The following TTC9 variants were observed in gnomAD, a reference collection of about 807,000 sequenced individuals.
TTC9 encodes the protein tetratricopeptide repeat domain 9, also known as tetratricopeptide repeat protein 9A.
In TTC9, 13 loss-of-function variants were observed where a neutral mutation model predicts 22.9. That is an observed-to-expected ratio of 0.57 (90% CI 0.37 to 0.90). The LOEUF (loss-of-function observed/expected upper bound fraction) is 0.90, where lower values mean the gene tolerates loss of function less well. TTC9 is among the 40% of genes least tolerant of loss of function. The pLI, the probability that TTC9 is intolerant of heterozygous loss-of-function variation, is 0.01. For missense variants in TTC9, 280 were observed against 291.8 expected (o/e 0.96, Z 0.29); for synonymous variants, 148 against 133.2 (o/e 1.11, Z -0.77).
intron 1 of TTC9, among the ~76,000 whole-genome samples, chr14:70,659,237 ATG>A (rs1270666023): frequency 2.0e-4 from 31 of 152,254 alleles, no homozygotes; most frequent in African/African-American, 6.5e-4. Flanking sequence ...CATAGCCAAT[ATG>A]TTGTACTATC....
Position 70,671,502 on chromosome 14 carries a change from A to G in TTC9, c.*347A>G. On this transcript the variant is annotated 3_prime_UTR_variant, in exon 3 of 3. Coordinates refer to ENST00000256367, the MANE Select transcript of TTC9 (RefSeq NM_015351.2). Reference sequence around the variant, plus strand: ...GCTTCTGACAGAGGCGGAGCCTGGCAAGTGTACCATCCCACAGGCAGCAGG... The same window carrying G: ...GCTTCTGACAGAGGCGGAGCCTGGCGAGTGTACCATCCCACAGGCAGCAGG... 1 of 252,568 alleles carries G rather than the reference A, an allele frequency of 4.0e-6. No homozygotes were observed. Among genetic ancestry groups the G allele is most frequent in the South Asian group, 5.2e-5 (1 of 19,328 alleles). The allele number at this position is 252,568 out of a possible 1,614,324, so 15.6% of individuals were successfully genotyped here. A position where few individuals can be genotyped will look rare whatever the true frequency, so the allele number is the denominator to read the frequency against.
At chr14:70,656,210 T>TACACACACACACACACAC (rs34334641) in intron 1 of TTC9, among the ~76,000 whole-genome samples, 7 of 147,910 alleles carry the variant, frequency 4.7e-5, no homozygotes, top group Non-Finnish European at 8.9e-5. Flanking sequence ...TTCACCCTGA[T>TACACACACACACACACAC]ACACACACAC....
intron 2 of TTC9, among the ~76,000 whole-genome samples, chr14:70,669,179 G>C (rs903876053): frequency 5.3e-5 from 8 of 152,026 alleles, no homozygotes; most frequent in Non-Finnish European, 7.4e-5. Flanking sequence ...GAGTAAAGAG[G>C]GGGGAGCTAT....
At chr14:70,661,474 A>G (rs1026040732) in intron 1 of TTC9, among the ~76,000 whole-genome samples, 3 of 152,188 alleles carry the variant, frequency 2.0e-5, no homozygotes, top group African/African-American at 4.8e-5. Context: ...CATTTAGCCC[A>G]TGTTTCCCTT....
At chr14:70,655,117 G>A (rs1236070640) in intron 1 of TTC9, among the ~76,000 whole-genome samples, 2 of 152,206 alleles carry the variant, frequency 1.3e-5, no homozygotes, top group African/African-American at 4.8e-5. Context: ...AAGCAGCCCA[G>A]GCTCAGTGGC....
At position 70,667,722 on chromosome 14, in the gene TTC9, G is replaced by T. The variant is rs891930334; in HGVS notation, c.565G>T (p.Glu189Ter). The change falls in exon 2 of 3, where the codon GAA (glutamate) becomes TAA (stop). Residue 189 changes from glutamate (E) to a stop codon, truncating the protein, a stop_gained. Coordinates refer to ENST00000256367, the MANE Select transcript of TTC9 (RefSeq NM_015351.2). LOFTEE classifies it high-confidence loss of function. ...DYDKALYYLK[E>*]ARTQQPTDTN... ...TGACAAAGCACTCTACTACCTGAAAGAAGCAAGGACCCAACAACCAACAGG... is the reference window on the plus strand; with the variant it reads ...TGACAAAGCACTCTACTACCTGAAATAAGCAAGGACCCAACAACCAACAGG... 6.2e-7 allele frequency: 1 copy of T among 1,604,868 alleles called. No homozygotes were observed. The highest frequency in any genetic ancestry group is 8.5e-7 in the Non-Finnish European group (1 of 1,174,864).
At chr14:70,658,076 G>A (rs561106293) in intron 1 of TTC9, among the ~76,000 whole-genome samples, 7 of 152,278 alleles carry the variant, frequency 4.6e-5, no homozygotes, top group African/African-American at 1.7e-4. Context: ...CAGCCAGTCC[G>A]GGTTTCCACC....
intron 1 of TTC9, among the ~76,000 whole-genome samples, chr14:70,644,909 G>A (rs1360077244): frequency 1.3e-5 from 2 of 151,628 alleles, no homozygotes; most frequent in Admixed American, 6.6e-5. Context: ...TCAGGAGATC[G>A]AGACCATCCT....
In TTC9 at chr14:70,671,373, C is replaced by T. The variant is rs1178963075; in HGVS notation, c.*218C>T. ...GTCGCCCAGACAATGGAGACATCCT[C>T]TCCTCTAGCAGGTCAGCGACTGAGA... On this transcript the variant is annotated 3_prime_UTR_variant, in exon 3 of 3. Transcript: ENST00000256367. 6.4e-6 allele frequency: 3 copies of T among 466,538 alleles called. No homozygotes were observed. Among genetic ancestry groups the T allele is most frequent in the African/African-American group, 5.9e-5 (3 of 50,562 alleles). The allele number at this position is 466,538 out of a possible 1,614,324, so 28.9% of individuals were successfully genotyped here.
chr14:70,652,077 A>G (rs776307921), intron 1 of TTC9, among the ~76,000 whole-genome samples: 2 of 152,134 alleles, frequency 1.3e-5, no homozygotes, highest in African/African-American at 2.4e-5. Flanking sequence ...CAGTTTCCCC[A>G]TCTGTAAACA....
At chr14:70,660,164 G>A (rs923633107) in intron 1 of TTC9, among the ~76,000 whole-genome samples, 1 of 152,128 alleles carries the variant, frequency 6.6e-6, no homozygotes, top group African/African-American at 2.4e-5. Flanking sequence ...CCTTGGCCGG[G>A]GTTCTTATTC....
At chr14:70,651,755 T>C (rs966217081) in intron 1 of TTC9, among the ~76,000 whole-genome samples, 2 of 152,210 alleles carry the variant, frequency 1.3e-5, no homozygotes, top group African/African-American at 4.8e-5. Context: ...GTTAGTCATA[T>C]GTCTCTGGTG....
chr14:70,642,558 C>T (rs562677745), intron 1 of TTC9, 23 bp downstream of exon 1: 82 of 1,525,978 alleles, frequency 5.4e-5, no homozygotes, highest in Non-Finnish European at 6.5e-5. Context: ...GCGCCCCCCG[C>T]GCCGCGGTCC....
chr14:70,656,762 A>T lies in TTC9; in HGVS notation c.407-10802A>T, dbSNP rs117039047. On this transcript the variant is annotated intron_variant, in intron 1 of 2. Coordinates refer to ENST00000256367, the MANE Select transcript of TTC9 (RefSeq NM_015351.2). ...AATATGGGGCGATGGGTTTCTTCTGAATATTTCTGGGAATACACTCATCTT... is the reference window on the plus strand; with the variant it reads ...AATATGGGGCGATGGGTTTCTTCTGTATATTTCTGGGAATACACTCATCTT... Among the ~76,000 whole-genome samples, 699 of 152,288 alleles carry T rather than the reference A, an allele frequency of 4.6e-3. 3 individuals are homozygous for T. The highest frequency in any genetic ancestry group is 7.4e-3 in the Admixed American group (113 of 15,296).
At chr14:70,670,422 C>T (rs1021255091) in intron 2 of TTC9, among the ~76,000 whole-genome samples, 2 of 152,102 alleles carry the variant, frequency 1.3e-5, no homozygotes, top group African/African-American at 4.8e-5. Flanking sequence ...CTTTGGGAGG[C>T]CAAGGTGGGC....
In TTC9 at chr14:70,642,381, G is replaced by T; in HGVS notation, c.252G>T (p.Leu84Phe). 6.2e-7 allele frequency: 1 copy of T among 1,605,254 alleles called. No individual in the cohort carries two copies. The highest frequency in any genetic ancestry group is 8.5e-7 in the Non-Finnish European group (1 of 1,176,552). Residue 84 changes from leucine to phenylalanine, a missense_variant, in exon 1 of 3, where the codon TTG becomes TTT. By Grantham distance (22) the Leu-to-Phe change is conservative. Coordinates refer to ENST00000256367, the MANE Select transcript of TTC9 (RefSeq NM_015351.2). ...REAIGKYHRALLELKGLLPPP... is the reference protein window; with the variant it reads ...REAIGKYHRAFLELKGLLPPP... ...CCATAGGCAAATACCACCGGGCGTTGCTGGAGCTGAAGGGGCTGCTGCCGC... is the reference window on the plus strand; with the variant it reads ...CCATAGGCAAATACCACCGGGCGTTTCTGGAGCTGAAGGGGCTGCTGCCGC...
At chr14:70,663,620 C>A (rs1204616909) in intron 1 of TTC9, among the ~76,000 whole-genome samples, 1 of 152,194 alleles carries the variant, frequency 6.6e-6, no homozygotes, top group African/African-American at 2.4e-5. Flanking sequence ...TCCTTCTCTA[C>A]CTTTGTCCTT....
At chr14:70,643,879 T>C (rs1443790871) in intron 1 of TTC9, among the ~76,000 whole-genome samples, 7 of 152,198 alleles carry the variant, frequency 4.6e-5, no homozygotes, top group East Asian at 3.9e-4. Flanking sequence ...AGAGTAGTAG[T>C]AGCAGCAGTT....
At chr14:70,661,163 C>T (rs568527438) in intron 1 of TTC9, among the ~76,000 whole-genome samples, 3 of 152,146 alleles carry the variant, frequency 2.0e-5, no homozygotes, top group Non-Finnish European at 2.9e-5. Context: ...TGTAGATAGC[C>T]GTCTTCCTAG....
Sources: gnomAD v4.1 joint callset for allele counts (sites outside exome capture counted in the v4.1 genomes callset) on GRCh38, gnomAD v4.1.1 for gene constraint, MANE v1.5 for transcripts, NCBI Gene and HGNC (gene_info 2026-07-23, HGNC 2026-07-21) for gene names.